MYT1L: variants seen among roughly 807,000 people sequenced by gnomAD.
MYT1L encodes myelin transcription factor 1-like protein.
A neutral mutation model predicts 126.7 loss-of-function variants in MYT1L; 12 were observed. The ratio of observed to expected loss-of-function variants is 0.09; its 90% CI spans 0.06 to 0.15. The LOEUF is 0.15. Among genes scored for constraint, MYT1L ranks in the 10% least tolerant of loss-of-function variants. The pLI, the probability that MYT1L is intolerant of heterozygous loss-of-function variation, is 1.00. For missense variants in MYT1L, 979 were observed against 1,585.2 expected (o/e 0.62, Z 6.49); for synonymous variants, 541 against 604.2 (o/e 0.90, Z 1.53).
chr2:2,041,900 CT>C (rs1379488301), intron 4 of MYT1L, among the ~76,000 whole-genome samples: 1 of 152,178 alleles, frequency 6.6e-6, no homozygotes, highest in Non-Finnish European at 1.5e-5. Context: ...TGAGATTGTA[CT>C]ACAAATCTAA....
chr2:1,851,796 T>G, intron 18 of MYT1L, 93 bp from the exon 19 acceptor site: 1 of 1,195,086 alleles, frequency 8.4e-7, no homozygotes, highest in Non-Finnish European at 1.2e-6. Flanking sequence ...AAACTAACTC[T>G]ATTGCTTCAC....
At chr2:2,314,998 C>T (rs763099549) in intron 1 of MYT1L, among the ~76,000 whole-genome samples, 7 of 152,174 alleles carry the variant, frequency 4.6e-5, no homozygotes, top group Non-Finnish European at 8.8e-5. Flanking sequence ...AACTGGACCC[C>T]TTCCTTATAT....
chr2:1,800,912 A>G (rs1364235509), intron 23 of MYT1L, among the ~76,000 whole-genome samples: 1 of 151,550 alleles, frequency 6.6e-6, no homozygotes, highest in African/African-American at 2.4e-5. Context: ...CCTCATTTCT[A>G]AGAGGAAGGG....
At chr2:1,805,506 C>A (rs1398904802) in intron 22 of MYT1L, among the ~76,000 whole-genome samples, 2 of 152,210 alleles carry the variant, frequency 1.3e-5, no homozygotes, top group African/African-American at 4.8e-5. Context: ...AATCCCAGCA[C>A]TTTGGGAGGC....
chr2:1,812,830 C>G (rs1490584220), intron 21 of MYT1L, among the ~76,000 whole-genome samples: 8 of 146,956 alleles, frequency 5.4e-5, no homozygotes, highest in South Asian at 4.4e-4. Context: ...GAGCCGAGAT[C>G]GCACTGCTGC....
intron 18 of MYT1L, among the ~76,000 whole-genome samples, chr2:1,885,914 G>T (rs1253858742): frequency 1.3e-5 from 2 of 152,176 alleles, no homozygotes; most frequent in African/African-American, 4.8e-5. Context: ...AAATCTCAGT[G>T]TTGCAGTATA....
chr2:2,248,499 A>G (rs142014091), intron 2 of MYT1L, among the ~76,000 whole-genome samples: 4 of 152,288 alleles, frequency 2.6e-5, no homozygotes, highest in Non-Finnish European at 5.9e-5. Context: ...AAAATAGAGG[A>G]AAAGGGAATA....
At chr2:2,119,596 T>C (rs2080700481) in intron 3 of MYT1L, among the ~76,000 whole-genome samples, 1 of 152,228 alleles carries the variant, frequency 6.6e-6, no homozygotes, top group Non-Finnish European at 1.5e-5. Flanking sequence ...AGGAGAAGCA[T>C]GCTGTGCATT....
At chr2:2,196,206 G>A (rs79052203) in intron 2 of MYT1L, among the ~76,000 whole-genome samples, 3,600 of 151,882 alleles carry the variant, frequency 0.024, 141 homozygotes, top group African/African-American at 0.083. Context: ...GATGACAATG[G>A]GATTCTATAC....
chr2:2,268,474 T>C (rs1273805616), intron 2 of MYT1L, among the ~76,000 whole-genome samples: 3 of 152,154 alleles, frequency 2.0e-5, no homozygotes, highest in Non-Finnish European at 2.9e-5. Flanking sequence ...AAATAGCCTA[T>C]GAAAATTATT....
At chr2:2,225,701 G>T (rs558682434) in intron 2 of MYT1L, among the ~76,000 whole-genome samples, 2 of 152,252 alleles carry the variant, frequency 1.3e-5, no homozygotes, top group East Asian at 3.9e-4. Flanking sequence ...GGTGGGGGCA[G>T]GTGAAGTAGA....
intron 2 of MYT1L, among the ~76,000 whole-genome samples, chr2:2,203,898 G>C (rs1190494422): frequency 6.6e-6 from 1 of 152,104 alleles, no homozygotes; most frequent in Non-Finnish European, 1.5e-5. Flanking sequence ...GCATGGTACT[G>C]GTACCAAAAC....
intron 2 of MYT1L, among the ~76,000 whole-genome samples, chr2:2,175,952 A>G (rs2090708768): frequency 6.6e-6 from 1 of 152,206 alleles, no homozygotes; most frequent in South Asian, 2.1e-4. Flanking sequence ...TGCCTGTACT[A>G]TGGAGTACAT....
intron 16 of MYT1L, among the ~76,000 whole-genome samples, chr2:1,888,762 T>C (rs947904917): frequency 6.6e-6 from 1 of 152,232 alleles, no homozygotes; most frequent in Non-Finnish European, 1.5e-5. Context: ...GGTACTAAAA[T>C]AGTTTATTCA....
chr2:1,983,713 T>C (rs1037546338), intron 5 of MYT1L, among the ~76,000 whole-genome samples: 5 of 152,178 alleles, frequency 3.3e-5, no homozygotes, highest in Admixed American at 1.3e-4. Context: ...GTTTAAACCG[T>C]TCATTTGAAT....
chr2:2,152,497 G>A (rs150487534), intron 3 of MYT1L, among the ~76,000 whole-genome samples: 2 of 152,332 alleles, frequency 1.3e-5, no homozygotes, highest in African/African-American at 4.8e-5. Flanking sequence ...AACTCAGTCT[G>A]AGGGAGGGGC....
chr2:2,114,177 A>G (rs1297390761), intron 3 of MYT1L, among the ~76,000 whole-genome samples: 1 of 152,258 alleles, frequency 6.6e-6, no homozygotes, highest in Non-Finnish European at 1.5e-5. Flanking sequence ...GATTGTAAGT[A>G]GGCAAATGAT....
At chr2:1,847,074 G>A (rs1003323131) in intron 19 of MYT1L, among the ~76,000 whole-genome samples, 10 of 152,290 alleles carry the variant, frequency 6.6e-5, no homozygotes, top group African/African-American at 9.6e-5. Context: ...CTGTCTGGCC[G>A]TTTGACTGCC....
rs1317480824 is a variant in MYT1L at position 1,979,135 on chromosome 2, A to G, written c.152+30T>C. The G allele has an allele frequency of 6.9e-6, 11 of 1,584,488 alleles. No individual in the cohort carries two copies. In the South Asian group the frequency reaches 1.2e-4, roughly 18 times the overall value. ...CCCCAAATAAGTCACTTTAGACAGCACATTGTGGAAAAAAAAATGCAGGCA... is the reference window on the plus strand; with the variant it reads ...CCCCAAATAAGTCACTTTAGACAGCGCATTGTGGAAAAAAAAATGCAGGCA... On this transcript the variant is annotated intron_variant, in intron 8 of 24. Transcript: ENST00000647738. The surrounding 1 kb of genome is among the most constrained non-coding windows in gnomAD (Gnocchi z 4.0).
Sources: allele counts gnomAD v4.1 joint callset (sites outside exome capture counted in the v4.1 genomes callset), GRCh38; gene constraint gnomAD v4.1.1; non-coding constraint Gnocchi (gnomAD v3.1); transcripts MANE v1.5; gene names NCBI Gene and HGNC (gene_info 2026-07-23, HGNC 2026-07-21).